Variants in GRM5 observed in about 807,000 individuals in gnomAD.
GRM5 encodes glutamate metabotropic receptor 5, also known as metabotropic glutamate receptor 5.
Under a neutral mutation model 83.1 loss-of-function variants are expected in GRM5, and 19 were observed. That is an observed-to-expected ratio of 0.23 (90% CI 0.16 to 0.34). GRM5 has a LOEUF of 0.34. Among genes scored for constraint, GRM5 ranks in the 10% least tolerant of loss-of-function variants. The pLI is 1.00. For missense variants in GRM5, 1,160 were observed against 1,588.3 expected (o/e 0.73, Z 4.58); for synonymous variants, 675 against 633.6 (o/e 1.07, Z -0.98).
At chr11:88,719,629 A>G (rs1454447144) in intron 3 of GRM5, among the ~76,000 whole-genome samples, 1 of 152,030 alleles carries the variant, frequency 6.6e-6, no homozygotes, top group African/African-American at 2.4e-5. Context: ...GTCTTTGAGG[A>G]ATTGCCACAC....
At chr11:88,796,642 C>T (rs1391905745) in intron 3 of GRM5, among the ~76,000 whole-genome samples, 1 of 152,068 alleles carries the variant, frequency 6.6e-6, no homozygotes, top group Non-Finnish European at 1.5e-5. Context: ...TTTCATTAAG[C>T]ATGGGAAGTC....
At chr11:88,713,069 G>A (rs1941316554) in intron 3 of GRM5, among the ~76,000 whole-genome samples, 1 of 151,896 alleles carries the variant, frequency 6.6e-6, no homozygotes, top group Admixed American at 6.6e-5. Flanking sequence ...ATATTAGTAG[G>A]TTTATGGCAA....
chr11:88,661,091 GCAATTGT>G (rs1215354370), intron 3 of GRM5, among the ~76,000 whole-genome samples: 3 of 152,246 alleles, frequency 2.0e-5, no homozygotes, highest in Non-Finnish European at 4.4e-5. Context: ...TTTTAGTTTT[GCAATTGT>G]CATTGTATTA....
chr11:88,860,055 A>C (rs1356166915), intron 2 of GRM5, among the ~76,000 whole-genome samples: 1 of 152,162 alleles, frequency 6.6e-6, no homozygotes, highest in African/African-American at 2.4e-5. Flanking sequence ...GAAGAGGGAG[A>C]AACTTCAGAG....
intron 8 of GRM5, among the ~76,000 whole-genome samples, chr11:88,553,937 G>C (rs1942566933): frequency 6.6e-6 from 1 of 152,138 alleles, no homozygotes; most frequent in East Asian, 1.9e-4. Flanking sequence ...TACCTTTTAA[G>C]GAGTGTTGTG....
At chr11:88,783,893 A>C (rs1404196727) in intron 3 of GRM5, among the ~76,000 whole-genome samples, 4 of 152,090 alleles carry the variant, frequency 2.6e-5, no homozygotes, top group Non-Finnish European at 4.4e-5. Flanking sequence ...CATAGGAAAC[A>C]TTCCATCTTT....
At chr11:88,943,167 C>G (rs1407307153) in intron 2 of GRM5, among the ~76,000 whole-genome samples, 1 of 152,072 alleles carries the variant, frequency 6.6e-6, no homozygotes, top group South Asian at 2.1e-4. Flanking sequence ...ACTCTAAGAC[C>G]AACATTATGT....
chr11:88,813,934 G>C (rs1186276199), intron 3 of GRM5, among the ~76,000 whole-genome samples: 1 of 151,332 alleles, frequency 6.6e-6, no homozygotes, highest in Non-Finnish European at 1.5e-5. Context: ...TACTTTCCCT[G>C]ATTAACCATT....
At chr11:88,821,740 A>G (rs989726413) in intron 3 of GRM5, among the ~76,000 whole-genome samples, 2 of 152,146 alleles carry the variant, frequency 1.3e-5, no homozygotes, top group Non-Finnish European at 2.9e-5. Flanking sequence ...AGTCTGGAAA[A>G]TAAATCACTT....
At chr11:88,683,344 C>T (rs535704629) in intron 3 of GRM5, among the ~76,000 whole-genome samples, 8 of 152,354 alleles carry the variant, frequency 5.3e-5, no homozygotes, top group Admixed American at 4.6e-4. Context: ...TCCCACTATG[C>T]TGTCACCAGC....
intron 8 of GRM5, among the ~76,000 whole-genome samples, chr11:88,540,713 T>G (rs1344531132): frequency 1.3e-5 from 2 of 152,114 alleles, no homozygotes; most frequent in Non-Finnish European, 2.9e-5. Context: ...CTATTCTTCA[T>G]CACATTGTCT....
chr11:88,758,267 GGGTA>G (rs1213488658), intron 3 of GRM5, among the ~76,000 whole-genome samples: 1 of 152,100 alleles, frequency 6.6e-6, no homozygotes, highest in Non-Finnish European at 1.5e-5. Context: ...ATTTGAAATT[GGGTA>G]GGAATGAAGA....
intron 2 of GRM5, among the ~76,000 whole-genome samples, chr11:88,876,600 T>A (rs769911079): frequency 3.9e-5 from 6 of 152,100 alleles, no homozygotes; most frequent in Non-Finnish European, 8.8e-5. Flanking sequence ...GCTTAATCAT[T>A]TCTAGCTTTC....
intron 3 of GRM5, among the ~76,000 whole-genome samples, chr11:88,845,321 C>T (rs79187125): frequency 2.1e-5 from 3 of 142,410 alleles, no homozygotes; most frequent in African/African-American, 7.7e-5. Flanking sequence ...TGATCACTTG[C>T]TTTTTTTTTT....
chr11:88,727,364 C>G (rs1210526048), intron 3 of GRM5, among the ~76,000 whole-genome samples: 1 of 152,190 alleles, frequency 6.6e-6, no homozygotes, highest in Non-Finnish European at 1.5e-5. Context: ...GCACCCAATA[C>G]AGGAGCACCC....
chr11:88,533,155 A>C (rs906656785), intron 8 of GRM5, among the ~76,000 whole-genome samples: 1 of 151,936 alleles, frequency 6.6e-6, no homozygotes, highest in African/African-American at 2.4e-5. Context: ...TAAATTATGA[A>C]ATTTTTTATC....
intron 9 of GRM5, among the ~76,000 whole-genome samples, chr11:88,509,761 T>C (rs1361415792): frequency 2.0e-5 from 3 of 152,190 alleles, no homozygotes; most frequent in Admixed American, 6.5e-5. Flanking sequence ...AAGGGGATGC[T>C]TGTCAGGATG....
chr11:89,020,880 A>G (rs1486458863), intron 2 of GRM5, among the ~76,000 whole-genome samples: 1 of 152,240 alleles, frequency 6.6e-6, no homozygotes, highest in Non-Finnish European at 1.5e-5. Context: ...GGCAGGAAAA[A>G]GAAAAAACTG....
chr11:88,965,012 A>C lies in GRM5; in HGVS notation c.661+82200T>G, dbSNP rs537789670. Among the ~76,000 whole-genome samples the C allele has an allele frequency of 6.6e-4, 101 of 152,266 alleles. 1 individual carries two copies. The South Asian group carries it at 0.012, about 18-fold the overall frequency. ...CATATTGAACAAATACAATATACCT[A>C]GCAGATCTGTATATTATAATCCAAC... On this transcript the variant is annotated intron_variant, in intron 2 of 9. Transcript: ENST00000305447.
Sources: allele counts gnomAD v4.1 joint callset (sites outside exome capture counted in the v4.1 genomes callset), GRCh38; gene constraint gnomAD v4.1.1; transcripts MANE v1.5; gene names NCBI Gene and HGNC (gene_info 2026-07-23, HGNC 2026-07-21).